RGS20: variants seen among roughly 807,000 people sequenced by gnomAD.
The protein encoded by RGS20 is regulator of G protein signaling 20, also known as gz-selective GTPase-activating protein.
In RGS20, 30 loss-of-function variants were observed where a neutral mutation model predicts 33.6. That is an observed-to-expected ratio of 0.89 (90% CI 0.67 to 1.21). The LOEUF (loss-of-function observed/expected upper bound fraction) is 1.21, where lower values mean the gene tolerates loss of function less well. Ranked by LOEUF, RGS20 falls within the 50% of genes most tolerant of loss-of-function variation. RGS20 has a pLI of 0.00. For missense variants in RGS20, 472 were observed against 502.4 expected (o/e 0.94, Z 0.58); for synonymous variants, 208 against 197.9 (o/e 1.05, Z -0.43).
At chr8:53,904,704 T>C (rs1441248737) in intron 2 of RGS20, among the ~76,000 whole-genome samples, 1 of 152,200 alleles carries the variant, frequency 6.6e-6, no homozygotes, top group East Asian at 1.9e-4. Flanking sequence ...TCACTGGGAA[T>C]GCACCCCAGC....
intron 2 of RGS20, among the ~76,000 whole-genome samples, chr8:53,888,895 A>G (rs1812622013): frequency 6.6e-6 from 1 of 152,140 alleles, no homozygotes; most frequent in South Asian, 2.1e-4. Flanking sequence ...ACGTGTTGTT[A>G]TTTTTTAATG....
Position 53,879,504 on chromosome 8 carries a change from C to G in RGS20, c.412C>G (p.Pro138Ala). Residue 138 changes from proline (P) to alanine (A), a missense_variant, in exon 2 of 6, where the codon CCC becomes GCC. By Grantham distance (27) the Pro-to-Ala change is conservative. Around this residue, in one of 3 missense-constraint regions of RGS20, gnomAD observed 319 missense variants for 283.4 expected, o/e 1.13. Transcript: ENST00000297313. ...CCTGCTCGGGGCGGCGCTGGCACTG[C>G]CCGGCCGACCCTCGGGGGGTCGTCC... 3 of 1,549,290 alleles carry G rather than the reference C, an allele frequency of 1.9e-6. No homozygotes were observed. The South Asian group carries it at 3.6e-5, about 18-fold the overall frequency.
intron 1 of RGS20, among the ~76,000 whole-genome samples, chr8:53,860,483 A>G (rs1811784462): frequency 6.6e-6 from 1 of 152,260 alleles, no homozygotes; most frequent in Non-Finnish European, 1.5e-5. Context: ...TTCAAATTGC[A>G]TATGACTAGA....
chr8:53,894,744 A>G (rs1034353353), intron 2 of RGS20, among the ~76,000 whole-genome samples: 1 of 152,212 alleles, frequency 6.6e-6, no homozygotes, highest in Non-Finnish European at 1.5e-5. Flanking sequence ...CCTGAAGCTG[A>G]GTTTTCCCTA....
intron 2 of RGS20, among the ~76,000 whole-genome samples, chr8:53,884,788 A>G (rs1010785792): frequency 6.6e-6 from 1 of 152,262 alleles, no homozygotes; most frequent in East Asian, 1.9e-4. Context: ...AAGAAGGACC[A>G]GGCAGTCATG....
At chr8:53,880,614 C>A (rs1812334587) in intron 2 of RGS20, among the ~76,000 whole-genome samples, 1 of 152,204 alleles carries the variant, frequency 6.6e-6, no homozygotes, top group African/African-American at 2.4e-5. Context: ...TCGCTCGGCC[C>A]CGCGCGCCGA....
At position 53,924,191 on chromosome 8, in the gene RGS20, T is replaced by A. The variant is rs1813727967; in HGVS notation, c.511-15385T>A. 2.0e-5 allele frequency among the ~76,000 whole-genome samples: 3 copies of A among 151,600 alleles called. No homozygotes were observed. The South Asian group carries it at 6.3e-4, about 32-fold the overall frequency. ...TGCCATCAGACCCAGCTAATTTTTT[T>A]ATTTTTTATTTTTTTTTGAGACAGA... On this transcript the variant is annotated intron_variant, in intron 2 of 5. Transcript: ENST00000297313.
At chr8:53,957,261 G>C (rs930819725) in intron 5 of RGS20, among the ~76,000 whole-genome samples, 21 of 152,172 alleles carry the variant, frequency 1.4e-4, no homozygotes, top group Non-Finnish European at 2.8e-4. Flanking sequence ...CGAGTAGCTG[G>C]GATTACAGGC....
chr8:53,868,815 C>T (rs781192700), intron 1 of RGS20, among the ~76,000 whole-genome samples: 15 of 151,776 alleles, frequency 9.9e-5, no homozygotes, highest in South Asian at 2.1e-4. Flanking sequence ...TGCAGTGGGG[C>T]GATCTCAACT....
chr8:53,923,617 A>C (rs1223490391), intron 2 of RGS20, among the ~76,000 whole-genome samples: 1 of 151,796 alleles, frequency 6.6e-6, no homozygotes, highest in Non-Finnish European at 1.5e-5. Context: ...ATTTCCAGAG[A>C]CTTTAAATGA....
chr8:53,947,569 TA>T (rs1814545557), intron 4 of RGS20, among the ~76,000 whole-genome samples: 1 of 131,872 alleles, frequency 7.6e-6, no homozygotes, highest in East Asian at 2.2e-4. Flanking sequence ...ATATAGGATA[TA>T]GTATATACAT....
chr8:53,940,445 A>G (rs934280874), intron 3 of RGS20, among the ~76,000 whole-genome samples: 1 of 152,356 alleles, frequency 6.6e-6, no homozygotes, highest in East Asian at 1.9e-4. Context: ...CAGCAATCAA[A>G]TCATCCTAAA....
intron 2 of RGS20, among the ~76,000 whole-genome samples, chr8:53,925,165 T>A (rs1813758415): frequency 6.6e-6 from 1 of 152,204 alleles, no homozygotes; most frequent in Admixed American, 6.5e-5. Flanking sequence ...CTCAACTACA[T>A]GTTTTTAGAC....
intron 2 of RGS20, among the ~76,000 whole-genome samples, chr8:53,883,157 C>T (rs75375162): frequency 2.8e-5 from 4 of 143,234 alleles, no homozygotes; most frequent in African/African-American, 7.7e-5. Context: ...ATCTTTCTTT[C>T]TTTTTTTTTT....
intron 2 of RGS20, among the ~76,000 whole-genome samples, chr8:53,892,705 G>A (rs1812747928): frequency 6.6e-6 from 1 of 152,156 alleles, no homozygotes; most frequent in African/African-American, 2.4e-5. Flanking sequence ...GTTCAAGAGA[G>A]TATCAGTAAG....
chr8:53,908,828 C>CT (rs1708546835), intron 2 of RGS20, among the ~76,000 whole-genome samples: 1 of 151,728 alleles, frequency 6.6e-6, no homozygotes, highest in African/African-American at 2.4e-5. Flanking sequence ...AATAAACAAA[C>CT]TATCATATCA....
chr8:53,898,829 G>T (rs774614755), intron 2 of RGS20, among the ~76,000 whole-genome samples: 1 of 152,166 alleles, frequency 6.6e-6, no homozygotes, highest in African/African-American at 2.4e-5. Flanking sequence ...CTAGGCCAAG[G>T]AGCACTGCAG....
chr8:53,909,756 G>T (rs1046939739), intron 2 of RGS20, among the ~76,000 whole-genome samples: 6 of 152,184 alleles, frequency 3.9e-5, no homozygotes, highest in East Asian at 1.9e-4. Context: ...GGAAGGAATT[G>T]TTGTGTGAAT....
chr8:53,875,122 T>C (rs997249578), intron 1 of RGS20, among the ~76,000 whole-genome samples: 6 of 152,112 alleles, frequency 3.9e-5, no homozygotes, highest in African/African-American at 1.4e-4. Context: ...CAGTTTTTTA[T>C]GTAATAAGTT....
Sources: allele counts gnomAD v4.1 joint callset (sites outside exome capture counted in the v4.1 genomes callset), GRCh38; gene constraint gnomAD v4.1.1; regional missense constraint gnomAD v4.1.1; transcripts MANE v1.5; gene names NCBI Gene and HGNC (gene_info 2026-07-23, HGNC 2026-07-21).